Variants in SSX2IP observed in about 807,000 individuals in gnomAD.
SSX2IP encodes the protein SSX family member 2 interacting protein.
Under a neutral mutation model 84.9 loss-of-function variants are expected in SSX2IP, and 55 were observed. The observed-to-expected ratio is 0.65, with a 90% CI of 0.52 to 0.81. The LOEUF is 0.81. SSX2IP is among the 30% of genes least tolerant of loss of function. SSX2IP has a pLI of 0.00. For missense variants in SSX2IP, 664 were observed against 705.2 expected (o/e 0.94, Z 0.66); for synonymous variants, 239 against 234.7 (o/e 1.02, Z -0.17).
intron 1 of SSX2IP, among the ~76,000 whole-genome samples, chr1:84,676,408 A>G (rs1048733782): frequency 1.3e-5 from 2 of 152,164 alleles, no homozygotes; most frequent in Admixed American, 6.5e-5. Flanking sequence ...GCTTTACCTT[A>G]CTACTTTTGA....
chr1:84,659,705 G>A lies in SSX2IP; in HGVS notation c.928-1237C>T, dbSNP rs113414953. Among the ~76,000 whole-genome samples the A allele has an allele frequency of 3.3e-5, 5 of 151,688 alleles. 1 individual carries two copies. The highest frequency in any genetic ancestry group is 1.2e-4 in the African/African-American group (5 of 41,330). On this transcript the variant is annotated intron_variant, in intron 8 of 13. Coordinates refer to ENST00000342203, the MANE Select transcript of SSX2IP (RefSeq NM_001166293.2). ...TCCAGCTACTCAGGAGGCTGAGGCAGGAGAATCACTTGAACCCGGGAGGCA... is the reference window on the plus strand; with the variant it reads ...TCCAGCTACTCAGGAGGCTGAGGCAAGAGAATCACTTGAACCCGGGAGGCA...
intron 5 of SSX2IP, among the ~76,000 whole-genome samples, chr1:84,665,728 T>C (rs947915058): frequency 1.3e-5 from 2 of 152,156 alleles, no homozygotes; most frequent in Non-Finnish European, 2.9e-5. Flanking sequence ...AGACGAACAA[T>C]GTCAATATTT....
rs1649574158 is a variant in SSX2IP, at chr1:84,647,398, G to A, written c.*35C>T. On this transcript the variant is annotated 3_prime_UTR_variant, in exon 14 of 14. Transcript: ENST00000342203. ...TTTCAACTTAGATGTGAAACTTGAT[G>A]AACACATTAATGAAAAAAATTCCAG... 6.6e-7 allele frequency: 1 copy of A among 1,513,552 alleles called. No individual in the cohort carries two copies. The highest frequency in any genetic ancestry group is 1.4e-5 in the African/African-American group (1 of 71,950). 93.8% of individuals were successfully genotyped at this position (1,513,552 alleles called of 1,614,324 possible).
At chr1:84,666,284 A>G in intron 4 of SSX2IP, 52 bp from the exon 5 acceptor site, 1 of 1,353,252 alleles carries the variant, frequency 7.4e-7, no homozygotes, top group Non-Finnish European at 1.0e-6. Context: ...ATTTAGAATA[A>G]CTGAATCCTT....
intron 1 of SSX2IP, among the ~76,000 whole-genome samples, chr1:84,684,901 A>G (rs1655577766): frequency 1.3e-5 from 2 of 152,124 alleles, no homozygotes; most frequent in South Asian, 4.2e-4. Flanking sequence ...TAAAACTATA[A>G]AAGACACCGA....
In SSX2IP at chr1:84,669,670, G is replaced by A. The variant is rs144357920; in HGVS notation, c.426+11C>T. ...AATTATGGCATTAAAATATGGATCT[G>A]CAATTTCTACCTTAAGTTTTGAGTA... On this transcript the variant is annotated intron_variant, in intron 4 of 13. Transcript: ENST00000342203. The A allele has an allele frequency of 7.7e-4, 1,228 of 1,604,974 alleles. 11 individuals are homozygous for A. The African/African-American group carries it at 0.013, about 18-fold the overall frequency.
intron 8 of SSX2IP, among the ~76,000 whole-genome samples, chr1:84,659,200 G>A (rs1215796834): frequency 5.3e-5 from 8 of 152,306 alleles, no homozygotes; most frequent in Non-Finnish European, 1.0e-4. Flanking sequence ...AAATCTTGCT[G>A]GGGAAAAAAG....
intron 8 of SSX2IP, among the ~76,000 whole-genome samples, chr1:84,660,991 C>T (rs7536257): frequency 0.08 from 11,741 of 147,362 alleles, 695 homozygotes; most frequent in African/African-American, 0.17. Context: ...CACTTGAACT[C>T]GGGAGGCAGA....
At chr1:84,680,473 T>G in intron 1 of SSX2IP, 1 of 152,104 alleles carries the variant, frequency 6.6e-6, no homozygotes, top group East Asian at 1.9e-4. Flanking sequence ...TTAATAATTT[T>G]ATTAAATAAA....
intron 8 of SSX2IP, among the ~76,000 whole-genome samples, chr1:84,660,689 C>T (rs1031400694): frequency 6.6e-6 from 1 of 151,678 alleles, no homozygotes; most frequent in African/African-American, 2.4e-5. Context: ...TGCTTGAACC[C>T]GAGAGGCAGA....
Position 84,647,213 on chromosome 1 carries a change from G to A in SSX2IP, c.*220C>T. ...ACATCTATACATTCCTTTATTCACA[G>A]AACCAGATGCTTCTGTTACTAAAAA... On this transcript the variant is annotated 3_prime_UTR_variant, in exon 14 of 14. Transcript: ENST00000342203. 3 of 366,306 alleles carry A rather than the reference G, an allele frequency of 8.2e-6. No homozygotes were observed. Among genetic ancestry groups the A allele is most frequent in the Non-Finnish European group, 1.5e-5 (3 of 206,376 alleles). 22.7% of individuals were successfully genotyped at this position (366,306 alleles called of 1,614,324 possible).
intron 1 of SSX2IP, among the ~76,000 whole-genome samples, chr1:84,678,830 G>T (rs1470916668): frequency 2.0e-5 from 3 of 152,206 alleles, no homozygotes; most frequent in African/African-American, 7.2e-5. Flanking sequence ...AGTACTTTAA[G>T]TGTTCTTTTC....
chr1:84,666,043 A>G, intron 5 of SSX2IP, 79 bp downstream of exon 5: 2 of 995,802 alleles, frequency 2.0e-6, no homozygotes, highest in Non-Finnish European at 3.1e-6. Flanking sequence ...TTTCAAGTAA[A>G]GTGGCTCTTA....
At chr1:84,663,333 A>G (rs1652304003) in intron 6 of SSX2IP, among the ~76,000 whole-genome samples, 1 of 152,180 alleles carries the variant, frequency 6.6e-6, no homozygotes, top group South Asian at 2.1e-4. Context: ...CTAAATCCTT[A>G]ATAAACTTCT....
At chr1:84,678,699 G>C (rs763708015) in intron 1 of SSX2IP, among the ~76,000 whole-genome samples, 6 of 152,158 alleles carry the variant, frequency 3.9e-5, no homozygotes, top group Non-Finnish European at 7.4e-5. Flanking sequence ...TTACAGAAAA[G>C]AATTACTCTC....
intron 1 of SSX2IP, among the ~76,000 whole-genome samples, chr1:84,673,728 A>T (rs897081208): frequency 6.6e-6 from 1 of 152,190 alleles, no homozygotes; most frequent in African/African-American, 2.4e-5. Context: ...AACCTTCAGA[A>T]CTCAAAGATG....
intron 1 of SSX2IP, among the ~76,000 whole-genome samples, chr1:84,686,740 G>C (rs192172877): frequency 6.6e-5 from 10 of 152,304 alleles, no homozygotes; most frequent in Non-Finnish European, 1.5e-4. Flanking sequence ...GACTTTTAAA[G>C]AGAAAGGGTG....
chr1:84,658,333 T>C lies in SSX2IP; in HGVS notation c.1063A>G (p.Lys355Glu). Residue 355 changes from lysine (K) to glutamate (E), a missense_variant, in exon 9 of 14, where the codon AAG (lysine) becomes GAG (glutamate). Physicochemically the swap from Lys to Glu is moderately conservative, Grantham distance 56. Coordinates refer to ENST00000342203, the MANE Select transcript of SSX2IP (RefSeq NM_001166293.2). ...CAGTGGTTACCTTGGTTATCAAGCT[T>C]TTCTACATGACTTTTCAAAATTCTC... The part of the protein sequence containing the change: ...QWRILKSHVE[K>E]LDNQVSKVHL... 2.5e-6 allele frequency: 4 copies of C among 1,614,098 alleles called. No homozygotes were observed. The highest frequency in any genetic ancestry group is 3.4e-6 in the Non-Finnish European group (4 of 1,179,988).
At chr1:84,661,122 G>GA (rs1263487502) in intron 8 of SSX2IP, among the ~76,000 whole-genome samples, 18 of 143,978 alleles carry the variant, frequency 1.3e-4, no homozygotes, top group Non-Finnish European at 2.6e-4. Context: ...ATGTTAAGGA[G>GA]AAAAAAAGGT....
Sources: allele counts gnomAD v4.1 joint callset (sites outside exome capture counted in the v4.1 genomes callset), GRCh38; gene constraint gnomAD v4.1.1; transcripts MANE v1.5; gene names NCBI Gene and HGNC (gene_info 2026-07-23, HGNC 2026-07-21).